The following BAZ2B variants were observed in gnomAD, a reference collection of about 807,000 sequenced individuals.
The protein encoded by BAZ2B is bromodomain adjacent to zinc finger domain 2B.
A neutral mutation model predicts 246.0 loss-of-function variants in BAZ2B; 91 were observed. The ratio of observed to expected loss-of-function variants is 0.37; its 90% CI spans 0.31 to 0.44. The LOEUF is 0.44. BAZ2B is among the 20% of genes least tolerant of loss of function. The pLI is 1.00. For missense variants in BAZ2B, 2,332 were observed against 2,533.7 expected (o/e 0.92, Z 1.71); for synonymous variants, 855 against 860.0 (o/e 0.99, Z 0.10).
At chr2:159,481,000 G>A (rs186236021) in intron 2 of BAZ2B, among the ~76,000 whole-genome samples, 1 of 152,010 alleles carries the variant, frequency 6.6e-6, no homozygotes, top group East Asian at 1.9e-4. Context: ...TTTTTAATAG[G>A]CATTTCTTAG....
chr2:159,630,688 C>T, the BAZ2B span, among the ~76,000 whole-genome samples: 3 of 152,138 alleles, frequency 2.0e-5, no homozygotes, highest in African/African-American at 7.2e-5. Context: ...CGCCCGCTAC[C>T]ACGCCCGGCT....
At chr2:159,572,122 G>C (rs1330345593) in intron 1 of BAZ2B, among the ~76,000 whole-genome samples, 1 of 152,192 alleles carries the variant, frequency 6.6e-6, no homozygotes, top group Non-Finnish European at 1.5e-5. Context: ...CATGTGCTGA[G>C]AGGGTAGCAC....
the BAZ2B span, chr2:159,690,258 C>T: frequency 1.9e-5 from 7 of 361,344 alleles, no homozygotes; most frequent in Admixed American, 2.1e-4. Flanking sequence ...AATAGATCAG[C>T]CACTTTCGTC....
At chr2:159,614,089 G>A (rs1288353439) in intron 1 of BAZ2B, among the ~76,000 whole-genome samples, 2 of 152,114 alleles carry the variant, frequency 1.3e-5, no homozygotes, top group Admixed American at 6.5e-5. Context: ...CTTGTTAGAA[G>A]AGATGTAAAT....
At chr2:159,677,886 T>C in the BAZ2B span, among the ~76,000 whole-genome samples, 1 of 152,218 alleles carries the variant, frequency 6.6e-6, no homozygotes, top group Non-Finnish European at 1.5e-5. Flanking sequence ...ACAAATGCTA[T>C]ATTGTTTACA....
rs1048877706 is a variant in BAZ2B at position 159,570,821 on chromosome 2, T to C, written c.-45-14956A>G. On this transcript the variant is annotated intron_variant, in intron 1 of 36. Coordinates refer to ENST00000392783, the MANE Select transcript of BAZ2B (RefSeq NM_013450.4). ...CCATAAGATGCTGTGCATATCTTTATCATTGAATAATTTATCCCCTATTGT... is the reference window on the plus strand; with the variant it reads ...CCATAAGATGCTGTGCATATCTTTACCATTGAATAATTTATCCCCTATTGT... Among the ~76,000 whole-genome samples the C allele has an allele frequency of 3.3e-5, 5 of 152,308 alleles. No homozygotes were observed. The South Asian group carries it at 1.0e-3, about 32-fold the overall frequency.
chr2:159,602,094 A>C (rs926848915), intron 1 of BAZ2B, among the ~76,000 whole-genome samples: 2 of 152,210 alleles, frequency 1.3e-5, no homozygotes, highest in Non-Finnish European at 2.9e-5. Context: ...TGGGAATCTA[A>C]ACTTCACTTC....
At chr2:159,595,204 G>A (rs554821675) in intron 1 of BAZ2B, among the ~76,000 whole-genome samples, 100 of 152,100 alleles carry the variant, frequency 6.6e-4, no homozygotes, top group African/African-American at 2.4e-3. Flanking sequence ...CTGGGTTCAA[G>A]CGATTCTCCT....
intron 2 of BAZ2B, among the ~76,000 whole-genome samples, chr2:159,543,068 G>C (rs936943401): frequency 1.3e-5 from 2 of 152,132 alleles, no homozygotes; most frequent in Admixed American, 1.3e-4. Context: ...TCACAAAGTT[G>C]TTCGGAGGAT....
At chr2:159,627,923 T>C in the BAZ2B span, among the ~76,000 whole-genome samples, 10 of 152,200 alleles carry the variant, frequency 6.6e-5, no homozygotes, top group African/African-American at 1.4e-4. Context: ...GAAAACCCCA[T>C]TGTCTCAGCG....
At chr2:159,551,341 A>C (rs1045232221) in intron 2 of BAZ2B, among the ~76,000 whole-genome samples, 74 of 151,850 alleles carry the variant, frequency 4.9e-4, no homozygotes, top group Non-Finnish European at 8.5e-4. Flanking sequence ...TGGTGGCGGA[A>C]ACCTGTAGTC....
chr2:159,565,193 C>T lies in BAZ2B; in HGVS notation c.-45-9328G>A, dbSNP rs558882166. ...CCTCAAGACAAATTTCACTGGTGTC[C>T]GTGACAAGAATGTTGTCAGTGAAGT... On this transcript the variant is annotated intron_variant, in intron 1 of 36. Transcript: ENST00000392783. Among the ~76,000 whole-genome samples the T allele has an allele frequency of 1.9e-4, 29 of 151,976 alleles. No individual in the cohort carries two copies. The East Asian group carries it at 4.5e-3, about 23-fold the overall frequency.
chr2:159,699,117 C>A, the BAZ2B span, among the ~76,000 whole-genome samples: 1 of 152,176 alleles, frequency 6.6e-6, no homozygotes, highest in Non-Finnish European at 1.5e-5. Context: ...GTAGCAGACA[C>A]ACCCAGTATC....
chr2:159,421,500 C>T (rs879325303), intron 13 of BAZ2B, among the ~76,000 whole-genome samples: 6 of 152,020 alleles, frequency 3.9e-5, no homozygotes, highest in Non-Finnish European at 7.4e-5. Flanking sequence ...ATTTGTAATC[C>T]TATTTTCTTG....
chr2:159,432,328 TTC>T (rs1158705600), intron 9 of BAZ2B, among the ~76,000 whole-genome samples: 1 of 152,180 alleles, frequency 6.6e-6, no homozygotes, highest in Non-Finnish European at 1.5e-5. Context: ...TTAACAAATT[TTC>T]TGTTATTGAT....
chr2:159,545,160 T>C (rs887115789), intron 2 of BAZ2B, among the ~76,000 whole-genome samples: 2 of 152,224 alleles, frequency 1.3e-5, no homozygotes, highest in African/African-American at 4.8e-5. Context: ...TGGAAGATGT[T>C]ATCTTTAGTA....
chr2:159,404,928 A>C lies in BAZ2B; in HGVS notation c.2771-18T>G, dbSNP rs1473717503. On this transcript the variant is annotated intron_variant, in intron 15 of 36. Transcript: ENST00000392783. Reference sequence around the variant, plus strand: ...CATTATTGCTACAAGAAACCAAAGGATAGATATCATCAAAAAGGGAATGAA... The same window carrying C: ...CATTATTGCTACAAGAAACCAAAGGCTAGATATCATCAAAAAGGGAATGAA... 6.2e-7 allele frequency: 1 copy of C among 1,613,284 alleles called. No homozygotes were observed. Among genetic ancestry groups the C allele is most frequent in the Non-Finnish European group, 8.5e-7 (1 of 1,179,690 alleles).
chr2:159,663,200 T>C, the BAZ2B span, among the ~76,000 whole-genome samples: 1 of 151,302 alleles, frequency 6.6e-6, no homozygotes, highest in South Asian at 2.1e-4. Context: ...GTTTTTTTTT[T>C]CTTTTTTTTC....
the BAZ2B span, among the ~76,000 whole-genome samples, chr2:159,671,299 C>T: frequency 1.6e-4 from 25 of 151,902 alleles, no homozygotes; most frequent in Admixed American, 1.6e-3. Context: ...TGGAGCTCCT[C>T]GCAATACTTT....
Sources: gnomAD v4.1 joint callset for allele counts (sites outside exome capture counted in the v4.1 genomes callset) on GRCh38, gnomAD v4.1.1 for gene constraint, MANE v1.5 for transcripts, NCBI Gene and HGNC (gene_info 2026-07-23, HGNC 2026-07-21) for gene names.